Variants in SPAG16 observed in about 807,000 individuals in gnomAD.
The protein encoded by SPAG16 is sperm associated antigen 16.
Under a neutral mutation model 80.4 loss-of-function variants are expected in SPAG16, and 86 were observed. The ratio of observed to expected loss-of-function variants is 1.07; its 90% CI spans 0.90 to 1.28. The LOEUF (loss-of-function observed/expected upper bound fraction) is 1.28. SPAG16 is among the 50% of genes most tolerant of loss of function. SPAG16 has a pLI of 0.00. For missense variants in SPAG16, 870 were observed against 765.3 expected (o/e 1.14, Z -1.61); for synonymous variants, 294 against 265.9 (o/e 1.11, Z -1.03).
At chr2:213,388,549 G>T (rs2067571715) in intron 9 of SPAG16, among the ~76,000 whole-genome samples, 1 of 152,108 alleles carries the variant, frequency 6.6e-6, no homozygotes, top group African/African-American at 2.4e-5. Flanking sequence ...CTTGACCAGA[G>T]ACAGTCCATA....
At chr2:213,896,315 C>G (rs1036253085) in intron 11 of SPAG16, among the ~76,000 whole-genome samples, 6 of 151,746 alleles carry the variant, frequency 4.0e-5, no homozygotes, top group African/African-American at 1.2e-4. Context: ...GGTGATGATG[C>G]AGAGAAAAGG....
chr2:214,094,502 G>GCTT (rs1298061435), intron 13 of SPAG16, among the ~76,000 whole-genome samples: 1 of 152,018 alleles, frequency 6.6e-6, no homozygotes, highest in Non-Finnish European at 1.5e-5. Context: ...TTATAAACAA[G>GCTT]CTTTCTGCTT....
chr2:213,315,032 A>G (rs2126129237), intron 4 of SPAG16, among the ~76,000 whole-genome samples: 1 of 152,018 alleles, frequency 6.6e-6, no homozygotes, highest in African/African-American at 2.4e-5. Flanking sequence ...ATAAATATGT[A>G]ACATTATTAT....
At chr2:213,392,578 G>A (rs2067811490) in intron 9 of SPAG16, among the ~76,000 whole-genome samples, 2 of 152,126 alleles carry the variant, frequency 1.3e-5, no homozygotes, top group South Asian at 4.1e-4. Context: ...TGGGCACGGT[G>A]GCTCACACCT....
intron 10 of SPAG16, among the ~76,000 whole-genome samples, chr2:213,532,597 G>GACT (rs2076108803): frequency 6.6e-6 from 1 of 151,908 alleles, no homozygotes; most frequent in Non-Finnish European, 1.5e-5. Context: ...GAGTAGCTGG[G>GACT]ACTACGGCTA....
chr2:213,945,746 A>G (rs1343720707), intron 12 of SPAG16, among the ~76,000 whole-genome samples: 2 of 152,126 alleles, frequency 1.3e-5, no homozygotes, highest in Admixed American at 6.6e-5. Context: ...TCATTTGCAA[A>G]GCAGGAAGTG....
At chr2:213,572,133 A>G (rs1177960851) in intron 10 of SPAG16, among the ~76,000 whole-genome samples, 7 of 108,120 alleles carry the variant, frequency 6.5e-5, no homozygotes, top group African/African-American at 3.4e-4. Flanking sequence ...CTAGTTATAC[A>G]TTCTTCTAAA....
intron 9 of SPAG16, among the ~76,000 whole-genome samples, chr2:213,382,816 A>G (rs963575796): frequency 9.9e-5 from 15 of 152,174 alleles, no homozygotes; most frequent in Non-Finnish European, 5.9e-5. Flanking sequence ...AGTGGAATAT[A>G]AAGATGGTCA....
chr2:213,504,990 C>A (rs2074910100), intron 10 of SPAG16, among the ~76,000 whole-genome samples: 1 of 152,234 alleles, frequency 6.6e-6, no homozygotes, highest in Non-Finnish European at 1.5e-5. Flanking sequence ...CCCCCTCAGA[C>A]TTGCTCCACA....
intron 9 of SPAG16, among the ~76,000 whole-genome samples, chr2:213,380,894 C>T (rs1042737878): frequency 2.6e-5 from 4 of 152,202 alleles, no homozygotes; most frequent in Non-Finnish European, 4.4e-5. Context: ...TCGGGTCACT[C>T]GATAAATGGG....
chr2:213,865,253 T>A (rs1170475878), intron 11 of SPAG16, among the ~76,000 whole-genome samples: 1 of 152,054 alleles, frequency 6.6e-6, no homozygotes, highest in East Asian at 1.9e-4. Flanking sequence ...AAATTCCTCA[T>A]AGTATAAATT....
intron 11 of SPAG16, among the ~76,000 whole-genome samples, chr2:213,886,565 C>T (rs2076563080): frequency 6.6e-6 from 1 of 151,938 alleles, no homozygotes; most frequent in Non-Finnish European, 1.5e-5. Flanking sequence ...ATAAAATCCA[C>T]CCAAACAAAT....
chr2:213,359,972 T>C (rs967239178), intron 7 of SPAG16, among the ~76,000 whole-genome samples: 8 of 152,196 alleles, frequency 5.3e-5, no homozygotes, highest in Non-Finnish European at 1.2e-4. Context: ...TTAGTCCCAC[T>C]CTTAAGATAA....
chr2:214,064,003 C>G (rs893440838), intron 13 of SPAG16, among the ~76,000 whole-genome samples: 19 of 152,214 alleles, frequency 1.2e-4, no homozygotes, highest in African/African-American at 4.3e-4. Context: ...TTAATGCAGT[C>G]GGATATTATG....
chr2:213,815,388 T>G (rs945053747), intron 10 of SPAG16, among the ~76,000 whole-genome samples: 4 of 152,172 alleles, frequency 2.6e-5, no homozygotes, highest in Non-Finnish European at 4.4e-5. Flanking sequence ...ATACTATGAT[T>G]CTAGGGTAGT....
chr2:213,322,379 G>A (rs1045625678), intron 5 of SPAG16, among the ~76,000 whole-genome samples: 12 of 128,462 alleles, frequency 9.3e-5, no homozygotes, highest in African/African-American at 3.4e-4. Context: ...TTGGGTGATT[G>A]ATTCCTGAAA....
intron 15 of SPAG16, among the ~76,000 whole-genome samples, chr2:214,409,523 TA>T (rs757567875): frequency 1.3e-5 from 2 of 151,974 alleles, no homozygotes; most frequent in Non-Finnish European, 2.9e-5. Context: ...CCATCTTATG[TA>T]AAAAAAATTT....
Position 213,340,147 on chromosome 2 carries a change from A to G in SPAG16, c.537-16A>G, listed in dbSNP as rs2064603903. 1 of 1,551,664 alleles carries G rather than the reference A, an allele frequency of 6.4e-7. No homozygotes were observed. Among genetic ancestry groups the G allele is most frequent in the East Asian group, 2.3e-5 (1 of 44,340 alleles). ...AGAATTAGCAGTGATTTATAAAGTT[A>G]CTATTTTTTTTTCAGCAAAGCTAGA... On this transcript the variant is annotated splice_polypyrimidine_tract_variant and intron_variant, in intron 5 of 15. Coordinates refer to ENST00000331683, the MANE Select transcript of SPAG16 (RefSeq NM_024532.5).
In SPAG16 at chr2:213,359,252, A is replaced by G. The variant is rs549237323; in HGVS notation, c.763-4824A>G. On this transcript the variant is annotated intron_variant, in intron 7 of 15. Coordinates refer to ENST00000331683, the MANE Select transcript of SPAG16 (RefSeq NM_024532.5). Reference sequence around the variant, plus strand: ...GGATCAGGGACCCACTTGAGGAGGCAGTCCATCCATTCTCAGAGCTCGAAT... The same window carrying G: ...GGATCAGGGACCCACTTGAGGAGGCGGTCCATCCATTCTCAGAGCTCGAAT... Among the ~76,000 whole-genome samples the G allele has an allele frequency of 8.5e-5, 13 of 152,316 alleles. 1 individual carries two copies. In the South Asian group the frequency reaches 2.7e-3, roughly 32 times the overall value.
Sources: allele counts gnomAD v4.1 joint callset (sites outside exome capture counted in the v4.1 genomes callset), GRCh38; gene constraint gnomAD v4.1.1; transcripts MANE v1.5; gene names NCBI Gene and HGNC (gene_info 2026-07-23, HGNC 2026-07-21).